ACAD11: variants seen among roughly 807,000 people sequenced by gnomAD.
ACAD11 encodes the protein acyl-Coenzyme A dehydrogenase family, member 11.
A neutral mutation model predicts 102.2 loss-of-function variants in ACAD11; 83 were observed. The observed-to-expected ratio is 0.81, with a 90% CI of 0.68 to 0.97. The LOEUF is 0.97. ACAD11 is among the 50% of genes least tolerant of loss of function. The pLI is 0.00. For missense variants in ACAD11, 901 were observed against 951.7 expected (o/e 0.95, Z 0.70); for synonymous variants, 324 against 319.8 (o/e 1.01, Z -0.14).
rs919472664 is a variant in ACAD11, at chr3:132,631,355, T to C, written c.827A>G (p.Tyr276Cys). ...TGTTTTTATACCTGAGTTTTCACTA[T>C]AAGAACCTTGATTTATCATTGGAAC... ...RTVPMINQGSYSENSGIPSME... is the reference protein window; with the variant it reads ...RTVPMINQGSCSENSGIPSME... Residue 276 changes from tyrosine to cysteine, a missense_variant, in exon 6 of 20, where the codon TAT (tyrosine) becomes TGT (cysteine). Tyr to Cys is a radical substitution (Grantham distance 194, BLOSUM62 -2). Transcript: ENST00000264990. 6.7e-7 allele frequency: 1 copy of C among 1,485,570 alleles called. No individual in the cohort carries two copies. The highest frequency in any genetic ancestry group is 2.1e-5 in the Admixed American group (1 of 48,372). 92.0% of individuals were successfully genotyped at this position (1,485,570 alleles called of 1,614,324 possible).
intron 5 of ACAD11, among the ~76,000 whole-genome samples, chr3:132,631,875 A>G (rs1053325650): frequency 6.6e-6 from 1 of 152,250 alleles, no homozygotes; most frequent in African/African-American, 2.4e-5. Context: ...TGTATAACAA[A>G]TGTACTACTC....
intron 1 of ACAD11, among the ~76,000 whole-genome samples, chr3:132,656,946 T>C (rs568859331): frequency 1.9e-4 from 29 of 152,212 alleles, no homozygotes; most frequent in African/African-American, 5.1e-4. Context: ...GCTATTATAG[T>C]TATATTCTGA....
At chr3:132,632,982 G>A (rs1010384489) in intron 5 of ACAD11, among the ~76,000 whole-genome samples, 1 of 152,144 alleles carries the variant, frequency 6.6e-6, no homozygotes, top group Non-Finnish European at 1.5e-5. Context: ...GGGCTGAGAC[G>A]ACAGCGTTTT....
Position 132,575,937 on chromosome 3 carries a change from AGGGG to A in ACAD11, c.1847-15_1847-12del, listed in dbSNP as rs1576552955. 8.7e-6 allele frequency: 14 copies of A among 1,612,836 alleles called. No individual in the cohort carries two copies. The highest frequency in any genetic ancestry group is 5.0e-5 in the Admixed American group (3 of 59,890). On this transcript the variant is annotated splice_polypyrimidine_tract_variant and intron_variant, in intron 16 of 19. Transcript: ENST00000264990. ...ATCCCCTACCTTCACCTGGGAAGAA[AGGGG>A]AAAAAAAGGGGGAATGTGAAAATGG...
At chr3:132,573,519 T>A (rs965993363) in intron 17 of ACAD11, among the ~76,000 whole-genome samples, 14 of 152,242 alleles carry the variant, frequency 9.2e-5, no homozygotes, top group African/African-American at 3.1e-4. Context: ...TTAGAACATT[T>A]AAAATAACAT....
At chr3:132,561,383 C>T in intron 17 of ACAD11, 166 bp from the exon 18 acceptor site, 1 of 658,306 alleles carries the variant, frequency 1.5e-6, no homozygotes, top group Non-Finnish European at 2.8e-6. Flanking sequence ...ATTTGATATA[C>T]ACCAGCCTAA....
intron 17 of ACAD11, among the ~76,000 whole-genome samples, chr3:132,567,942 G>C (rs1937261595): frequency 6.6e-6 from 1 of 152,100 alleles, no homozygotes; most frequent in Non-Finnish European, 1.5e-5. Context: ...ATTTACAGAT[G>C]ACATGATTAT....
intron 13 of ACAD11, among the ~76,000 whole-genome samples, chr3:132,598,815 C>A (rs1280154010): frequency 6.6e-6 from 1 of 152,184 alleles, no homozygotes; most frequent in African/African-American, 2.4e-5. Context: ...CCATGGATGG[C>A]ACCACATTAT....
chr3:132,637,580 A>G (rs1940320073), intron 5 of ACAD11, among the ~76,000 whole-genome samples: 1 of 152,198 alleles, frequency 6.6e-6, no homozygotes, highest in African/African-American at 2.4e-5. Flanking sequence ...TCAAGTTGAA[A>G]TGACAATATG....
intron 2 of ACAD11, among the ~76,000 whole-genome samples, chr3:132,644,390 A>G (rs1218407531): frequency 1.3e-5 from 2 of 152,308 alleles, no homozygotes; most frequent in African/African-American, 4.8e-5. Flanking sequence ...TTTATCACCA[A>G]AAGATTAGAG....
In ACAD11 at chr3:132,572,854, T is replaced by C. The variant is rs1205979468; in HGVS notation, c.2001+2918A>G. ...CTAGCCATCTGCAGGGGATTGAAAC[T>C]GCGCACCTTCCTTACATCTTAGCCA... On this transcript the variant is annotated intron_variant, in intron 17 of 19. Transcript: ENST00000264990. 2.6e-5 allele frequency among the ~76,000 whole-genome samples: 4 copies of C among 152,226 alleles called. No individual in the cohort carries two copies. The East Asian group carries it at 7.7e-4, about 29-fold the overall frequency.
At chr3:132,635,101 T>G (rs1287083702) in intron 5 of ACAD11, among the ~76,000 whole-genome samples, 1 of 150,264 alleles carries the variant, frequency 6.7e-6, no homozygotes, top group Non-Finnish European at 1.5e-5. Context: ...AATAAAAAAA[T>G]AAAGAAAAAG....
chr3:132,582,714 C>G (rs1303955439), intron 13 of ACAD11, among the ~76,000 whole-genome samples: 4 of 151,794 alleles, frequency 2.6e-5, no homozygotes, highest in Non-Finnish European at 5.9e-5. Flanking sequence ...TAGATATTAT[C>G]TGAGAAAGGG....
intron 7 of ACAD11, among the ~76,000 whole-genome samples, chr3:132,629,897 A>AC (rs1939968063): frequency 6.6e-6 from 1 of 152,170 alleles, no homozygotes; most frequent in African/African-American, 2.4e-5. Context: ...TTAGAAAAAA[A>AC]CCCTAAATTT....
At chr3:132,586,645 C>A (rs1404732602) in intron 13 of ACAD11, among the ~76,000 whole-genome samples, 1 of 152,012 alleles carries the variant, frequency 6.6e-6, no homozygotes, top group Non-Finnish European at 1.5e-5. Context: ...TTTTCTCTAC[C>A]CTTCTGGGCA....
At chr3:132,650,092 T>C (rs915931552) in intron 1 of ACAD11, 12 of 152,166 alleles carry the variant, frequency 7.9e-5, no homozygotes, top group African/African-American at 2.2e-4. Context: ...GAGTTTCTTG[T>C]AAGAAGTTGC....
At chr3:132,625,900 C>T (rs1299776734) in intron 9 of ACAD11, among the ~76,000 whole-genome samples, 1 of 152,168 alleles carries the variant, frequency 6.6e-6, no homozygotes, top group Non-Finnish European at 1.5e-5. Flanking sequence ...CACGCAAGAC[C>T]ATCTAACACA....
chr3:132,636,746 C>T (rs1240856140), intron 5 of ACAD11, among the ~76,000 whole-genome samples: 7 of 152,090 alleles, frequency 4.6e-5, no homozygotes, highest in Non-Finnish European at 7.4e-5. Context: ...AGAAAAATAT[C>T]ACCCATCAAT....
intron 2 of ACAD11, among the ~76,000 whole-genome samples, chr3:132,643,283 G>A (rs532504868): frequency 2.0e-5 from 3 of 152,288 alleles, no homozygotes; most frequent in Admixed American, 2.0e-4. Context: ...TCCTTCTGGA[G>A]AGCAAGGGAG....
Sources: gnomAD v4.1 joint callset for allele counts (sites outside exome capture counted in the v4.1 genomes callset) on GRCh38, gnomAD v4.1.1 for gene constraint, MANE v1.5 for transcripts, NCBI Gene and HGNC (gene_info 2026-07-23, HGNC 2026-07-21) for gene names.